Variants in HDAC4 observed in about 807,000 individuals in gnomAD.
HDAC4 encodes histone deacetylase A.
In HDAC4, 16 loss-of-function variants were observed where a neutral mutation model predicts 135.1. The observed-to-expected ratio is 0.12, with a 90% confidence interval of 0.08 to 0.18. HDAC4 has a LOEUF of 0.18. Ranked by LOEUF, HDAC4 falls within the 10% of genes least tolerant of loss-of-function variation. The pLI, the probability that HDAC4 is intolerant of heterozygous loss-of-function variation, is 1.00. For synonymous variants in HDAC4, 685 were observed against 653.4 expected (o/e 1.05, Z -0.74); for missense variants, 1,143 against 1,511.8 (o/e 0.76, Z 4.05).
chr2:239,252,555 G>A (rs769361495), intron 2 of HDAC4, among the ~76,000 whole-genome samples: 1 of 152,180 alleles, frequency 6.6e-6, no homozygotes, highest in South Asian at 2.1e-4. Context: ...ACGAGGGAAA[G>A]AGCAGAACAA....
intron 2 of HDAC4, among the ~76,000 whole-genome samples, chr2:239,253,830 C>T (rs1159019948): frequency 1.3e-5 from 2 of 152,112 alleles, no homozygotes; most frequent in African/African-American, 4.8e-5. Flanking sequence ...GAACTGGAGA[C>T]AGGCACCAGG....
chr2:239,301,350 C>T (rs907234537), intron 2 of HDAC4, among the ~76,000 whole-genome samples: 9 of 152,194 alleles, frequency 5.9e-5, no homozygotes, highest in Non-Finnish European at 1.3e-4. Flanking sequence ...GATCTGCTCT[C>T]AAAGTAACAG....
chr2:239,246,994 C>G (rs767701766), intron 2 of HDAC4, among the ~76,000 whole-genome samples: 1 of 152,266 alleles, frequency 6.6e-6, no homozygotes, highest in Non-Finnish European at 1.5e-5. Context: ...TCACACACAA[C>G]AGACGTCAAA....
intron 24 of HDAC4, among the ~76,000 whole-genome samples, chr2:239,065,546 C>T (rs957075580): frequency 1.1e-4 from 17 of 152,174 alleles, no homozygotes; most frequent in Non-Finnish European, 1.6e-4. Flanking sequence ...TCCTGCAAAC[C>T]GCTGAGCACC....
chr2:239,298,337 G>A (rs954759778), intron 2 of HDAC4: 6 of 1,213,878 alleles, frequency 4.9e-6, no homozygotes, highest in Non-Finnish European at 5.2e-6. Context: ...GGAGATGAGA[G>A]AAGATGCTTC....
At chr2:239,290,769 G>A (rs1285296796) in intron 2 of HDAC4, among the ~76,000 whole-genome samples, 2 of 152,122 alleles carry the variant, frequency 1.3e-5, no homozygotes, top group African/African-American at 4.8e-5. Flanking sequence ...CACCACACAC[G>A]CTCCCGTGTT....
chr2:239,278,923 C>A (rs2050549172), intron 2 of HDAC4, among the ~76,000 whole-genome samples: 1 of 152,128 alleles, frequency 6.6e-6, no homozygotes, highest in Admixed American at 6.5e-5. Flanking sequence ...GCGCCTGGAG[C>A]CCAAGAGCTC....
chr2:239,126,079 T>A (rs1209852210), intron 12 of HDAC4, among the ~76,000 whole-genome samples: 2 of 152,250 alleles, frequency 1.3e-5, no homozygotes, highest in Non-Finnish European at 2.9e-5. Flanking sequence ...GAAAAAAGTG[T>A]TGCCCAAGTA....
At chr2:239,274,036 C>A (rs564315970) in intron 2 of HDAC4, among the ~76,000 whole-genome samples, 4 of 152,322 alleles carry the variant, frequency 2.6e-5, no homozygotes, top group Admixed American at 2.6e-4. Flanking sequence ...TGCTTTGGAA[C>A]AATACAGTGA....
chr2:239,096,370 A>T (rs1269265600), intron 16 of HDAC4, among the ~76,000 whole-genome samples: 1 of 80,558 alleles, frequency 1.2e-5, no homozygotes, highest in East Asian at 3.9e-4. Flanking sequence ...GATGCCTGCA[A>T]CCCCCCCCGA....
At chr2:239,121,855 CCTTT>C (rs758395689) in intron 12 of HDAC4, among the ~76,000 whole-genome samples, 16 of 152,216 alleles carry the variant, frequency 1.1e-4, no homozygotes, top group Non-Finnish European at 1.6e-4. Context: ...CTCTCTCTCT[CCTTT>C]GACATTCAGT....
rs1351432772 is a variant in HDAC4, at chr2:239,051,676, A to AAAC, written c.*1418_*1420dup. The stretch of plus-strand genomic sequence containing the variant: ...TAGAAAATAATTAAAATGAAAGTAC[A>AAAC]AACTTGTAGGGTAGTTGCCCAGTGG... On this transcript the variant is annotated 3_prime_UTR_variant, in exon 27 of 27. Transcript: ENST00000543185. 3.9e-5 allele frequency: 6 copies of AAAC among 152,608 alleles called. No homozygotes were observed. Among genetic ancestry groups the AAAC allele is most frequent in the African/African-American group, 1.2e-4 (5 of 41,446 alleles). The allele number at this position is 152,608 out of a possible 1,614,324, so 9.5% of individuals were successfully genotyped here.
At position 239,089,046 on chromosome 2, in the gene HDAC4, G is replaced by A. The variant is rs79941958; in HGVS notation, c.2388+963C>T. ...TAATGGTTCAGTTAAACAAAACGGA[G>A]GGGGAGGAGGCCACGATTTGATTTC... On this transcript the variant is annotated intron_variant, in intron 18 of 26. Transcript: ENST00000543185. Among the ~76,000 whole-genome samples, 364 of 152,254 alleles carry A rather than the reference G, an allele frequency of 2.4e-3. 1 individual carries two copies. Among genetic ancestry groups the A allele is most frequent in the African/African-American group, 8.2e-3 (342 of 41,528 alleles).
chr2:239,079,590 C>T (rs1420858906), intron 22 of HDAC4, among the ~76,000 whole-genome samples: 2 of 152,208 alleles, frequency 1.3e-5, no homozygotes, highest in Non-Finnish European at 2.9e-5. Context: ...ACTTATTCAC[C>T]GTCCCCAGAA....
At chr2:239,140,662 C>G (rs1017058528) in intron 8 of HDAC4, among the ~76,000 whole-genome samples, 6 of 152,240 alleles carry the variant, frequency 3.9e-5, no homozygotes, top group Admixed American at 1.3e-4. Flanking sequence ...AGCAACGACT[C>G]TGGGTGCTCA....
intron 24 of HDAC4, among the ~76,000 whole-genome samples, chr2:239,065,241 C>A (rs767036923): frequency 6.6e-6 from 1 of 152,198 alleles, no homozygotes; most frequent in African/African-American, 2.4e-5. Context: ...AACCCAGGGG[C>A]GTGCAAGGCA....
chr2:239,199,694 C>T (rs987381436), intron 3 of HDAC4, among the ~76,000 whole-genome samples: 1 of 152,014 alleles, frequency 6.6e-6, no homozygotes, highest in Non-Finnish European at 1.5e-5. Context: ...AGAGCAGCGC[C>T]CTGTTCTGCT....
At chr2:239,221,149 G>A (rs1456788470) in intron 3 of HDAC4, among the ~76,000 whole-genome samples, 1 of 152,208 alleles carries the variant, frequency 6.6e-6, no homozygotes, top group Non-Finnish European at 1.5e-5. Context: ...ACATGAAGGA[G>A]AACCCTGTCA....
At chr2:239,321,906 A>G (rs1335358552) in intron 2 of HDAC4, among the ~76,000 whole-genome samples, 1 of 152,210 alleles carries the variant, frequency 6.6e-6, no homozygotes, top group Non-Finnish European at 1.5e-5. Context: ...GGTTCTTGAC[A>G]TGTTGAACAA....
Sources: gnomAD v4.1 joint callset for allele counts (sites outside exome capture counted in the v4.1 genomes callset) on GRCh38, gnomAD v4.1.1 for gene constraint, MANE v1.5 for transcripts, NCBI Gene and HGNC (gene_info 2026-07-23, HGNC 2026-07-21) for gene names.